ROGDI: variants seen among roughly 807,000 people sequenced by gnomAD.
ROGDI encodes protein rogdi homolog.
A neutral mutation model predicts 43.1 loss-of-function variants in ROGDI; 46 were observed. The observed-to-expected ratio is 1.07, with a 90% confidence interval of 0.84 to 1.37. The LOEUF (loss-of-function observed/expected upper bound fraction) is 1.37. Among genes scored for constraint, ROGDI ranks in the 40% most tolerant of loss-of-function variants. The probability of loss-of-function intolerance (pLI) is 0.00; values close to 1 mark genes in which losing one functional copy is unlikely to be tolerated. For missense variants in ROGDI, 518 were observed against 383.9 expected (o/e 1.35, Z -2.92); for synonymous variants, 243 against 162.0 (o/e 1.50, Z -3.80).
chr16:4,801,830 A>C, intron 2 of ROGDI: 4 of 587,634 alleles, frequency 6.8e-6, no homozygotes, highest in Non-Finnish European at 1.2e-5. Context: ...GGAATACAAA[A>C]CAGACAGGGG....
chr16:4,798,797 G>A, intron 6 of ROGDI, 130 bp from the exon 7 acceptor site: 1 of 749,692 alleles, frequency 1.3e-6, no homozygotes, highest in South Asian at 1.6e-5. Flanking sequence ...CCCGGCAGCA[G>A]GGACCTGTTA....
intron 2 of ROGDI, 165 bp downstream of exon 2, chr16:4,802,217 T>C: frequency 1.5e-6 from 1 of 689,318 alleles, no homozygotes; most frequent in East Asian, 2.9e-5. Flanking sequence ...CACAGGTACT[T>C]ATATAATGAG....
At chr16:4,801,963 G>A (rs1445398246) in intron 2 of ROGDI, 19 of 578,706 alleles carry the variant, frequency 3.3e-5, no homozygotes, top group Non-Finnish European at 5.2e-5. Flanking sequence ...TCTGTGAGCT[G>A]CCTGGCTCAT....
chr16:4,801,097 C>G lies in ROGDI; in HGVS notation c.255+170G>C, dbSNP rs539071981. Reference sequence around the variant, plus strand: ...TGCACCTCTTACTGAATCTGCACACCGATCCCGGGAGAAGGTGTGAGGGTT... The same window carrying G: ...TGCACCTCTTACTGAATCTGCACACGGATCCCGGGAGAAGGTGTGAGGGTT... On this transcript the variant is annotated intron_variant, in intron 4 of 10. Coordinates refer to ENST00000322048, the MANE Select transcript of ROGDI (RefSeq NM_024589.3). The G allele has an allele frequency of 1.3e-4, 77 of 575,070 alleles. 2 individuals carry two copies. The highest frequency in any genetic ancestry group is 1.2e-3 in the Middle Eastern group (4 of 3,394). 35.6% of individuals were successfully genotyped at this position (575,070 alleles called of 1,614,324 possible).
At chr16:4,802,318 G>T in intron 2 of ROGDI, 64 bp downstream of exon 2, 1 of 1,413,482 alleles carries the variant, frequency 7.1e-7, no homozygotes, top group Non-Finnish European at 9.5e-7. Flanking sequence ...GCGGCCCCAG[G>T]TGGAGCCAGG....
chr16:4,801,423 G>C (rs2082716317), intron 3 of ROGDI, 80 bp downstream of exon 3: 1 of 1,557,470 alleles, frequency 6.4e-7, no homozygotes, highest in Admixed American at 1.9e-5. Flanking sequence ...CAACCAGCTG[G>C]TCTGCAGGAC....
At position 4,797,972 on chromosome 16, in the gene ROGDI, C is replaced by A; in HGVS notation, c.661G>T (p.Gly221Trp). ...PNSTKNFRPA[G>W]GAVLHSPGAM... Reference sequence around the variant, plus strand: ...CCAGGGCTATGCAGCACCGCGCCCCCAGCTGGGCGGAAGTTCTAGGGAGAA... The same window carrying A: ...CCAGGGCTATGCAGCACCGCGCCCCAAGCTGGGCGGAAGTTCTAGGGAGAA... The change falls in exon 9 of 11, where the codon GGG becomes TGG. Residue 221 changes from glycine (G) to tryptophan (W), a missense_variant. Gly to Trp is a radical substitution (Grantham distance 184). Transcript: ENST00000322048. The A allele has an allele frequency of 6.2e-7, 1 of 1,607,676 alleles. No individual in the cohort carries two copies.
chr16:4,802,327 G>T, intron 2 of ROGDI, 55 bp downstream of exon 2: 1 of 1,459,348 alleles, frequency 6.9e-7, no homozygotes. Context: ...GGTGGAGCCA[G>T]GGAAATGAGG....
intron 10 of ROGDI, 42 bp from the exon 11 acceptor site, chr16:4,797,543 G>C (rs2082665530): frequency 2.4e-6 from 3 of 1,224,542 alleles, no homozygotes; most frequent in Non-Finnish European, 2.1e-6. Context: ...AAGGGGGATG[G>C]GGTAGCCCAG....
At position 4,797,823 on chromosome 16, in the gene ROGDI, C is replaced by A; in HGVS notation, c.713G>T (p.Arg238Leu). The A allele has an allele frequency of 6.2e-7, 1 of 1,612,038 alleles. No homozygotes were observed. The highest frequency in any genetic ancestry group is 1.1e-5 in the South Asian group (1 of 91,082). Residue 238 changes from arginine (R) to leucine (L), a missense_variant, in exon 10 of 11, where the codon CGC (arginine) becomes CTC (leucine). Arg to Leu is a moderately radical substitution (Grantham distance 102). Transcript: ENST00000322048. ...PGAMFEWGSQ[R>L]LEVSHVHKVE... ...TTTGTGCACGTGGCTCACCTCCAGG[C>A]GCTGAGAGCCCCACTCGCTGTGGGC...
chr16:4,798,348 T>C (rs927474617), intron 7 of ROGDI, among the ~76,000 whole-genome samples, 164 bp from the exon 8 acceptor site: 1 of 152,180 alleles, frequency 6.6e-6, no homozygotes, highest in African/African-American at 2.4e-5. Context: ...GTGCCCCAAG[T>C]ATCTCCTGTG....
In ROGDI at chr16:4,801,484, C is replaced by T. The variant is rs1172409881; in HGVS notation, c.200+19G>A. ...CCCAAGGTACCCATTTCCCCGGTTT[C>T]CGCCTAGCCCAGGCTCACCCACAGC... is the stretch of plus-strand genomic sequence containing the variant. On this transcript the variant is annotated intron_variant, in intron 3 of 10. Transcript: ENST00000322048. The T allele has an allele frequency of 1.3e-6, 2 of 1,594,504 alleles. No individual in the cohort carries two copies. Among genetic ancestry groups the T allele is most frequent in the Non-Finnish European group, 1.7e-6 (2 of 1,170,126 alleles).
rs1413897255 is a variant in ROGDI at position 4,800,536 on chromosome 16, A to G, written c.298T>C (p.Phe100Leu). ...CACTGCTTGTCCTCCCGGAAGGCGA[A>G]GTGCAGCAGCTGGTTGTTCCGGGGC... ...KMPRNNQLLH[F>L]AFREDKQWKL... Residue 100 changes from phenylalanine (F) to leucine (L), a missense_variant, in exon 5 of 11, where the codon TTC becomes CTC. Coordinates refer to ENST00000322048, the MANE Select transcript of ROGDI (RefSeq NM_024589.3). The G allele has an allele frequency of 3.2e-6, 5 of 1,565,300 alleles. No individual in the cohort carries two copies. Among genetic ancestry groups the G allele is most frequent in the Admixed American group, 3.8e-5 (2 of 52,634 alleles).
rs2082694921 is a variant in ROGDI at position 4,799,761 on chromosome 16, A to G, written c.357T>C (p.His119=). The G allele has an allele frequency of 6.2e-6, 10 of 1,613,480 alleles. No individual in the cohort carries two copies. The highest frequency in any genetic ancestry group is 1.7e-5 in the Admixed American group (1 of 59,968). The change falls in exon 6 of 11, where the codon CAT becomes CAC. Residue 119 remains histidine, a synonymous_variant. Transcript: ENST00000322048. ...TAAGCAGGTAAATGGCTTGGCTCAC[A>G]TGGTTTCTGGCATCCTGGATCTGGA... The part of the protein sequence containing the change: ...KLQQIQDARN[H]VSQAIYLLTS...
rs752529667 is a variant in ROGDI at position 4,799,816 on chromosome 16, G to A, written c.337-35C>T. 35 of 1,489,324 alleles carry A rather than the reference G, an allele frequency of 2.4e-5. No homozygotes were observed. In the East Asian group the frequency reaches 7.6e-4, roughly 32 times the overall value. 92.3% of individuals were successfully genotyped at this position (1,489,324 alleles called of 1,614,324 possible). The stretch of plus-strand genomic sequence containing the variant: ...GGGGTCATCCAGAGGGGTCACGCCA[G>A]CTTCCATGCGGCCAGGAGGGGAGAG... On this transcript the variant is annotated intron_variant, in intron 5 of 10. Coordinates refer to ENST00000322048, the MANE Select transcript of ROGDI (RefSeq NM_024589.3).
Position 4,801,596 on chromosome 16 carries a change from G to C in ROGDI, c.118-11C>G, listed in dbSNP as rs371176268. ...GCGCAGAGAGGCCTCCTGTGGAACA[G>C]AGGGAAGGAGGGGAGCTGGTAGCGC... On this transcript the variant is annotated splice_polypyrimidine_tract_variant and intron_variant, in intron 2 of 10. Transcript: ENST00000322048. 16 of 1,585,176 alleles carry C rather than the reference G, an allele frequency of 1.0e-5. No homozygotes were observed. The highest frequency in any genetic ancestry group is 1.7e-4 in the Middle Eastern group (1 of 6,032).
At chr16:4,800,943 G>A (rs995733078) in intron 4 of ROGDI, 7 of 510,248 alleles carry the variant, frequency 1.4e-5, no homozygotes, top group Non-Finnish European at 2.4e-5. Flanking sequence ...GCCTGGCACA[G>A]AGTCGGGTGC....
chr16:4,800,786 A>G, intron 4 of ROGDI: 1 of 586,124 alleles, frequency 1.7e-6, no homozygotes, highest in Non-Finnish European at 3.0e-6. Context: ...GAAGAGCCAC[A>G]AAGAAGTGAA....
rs1396348908 is a variant in ROGDI, at chr16:4,802,578, A to C, written c.-7T>G. ...CTGCCATCACGGTGGCCATGGCCGC[A>C]GGCCGCCGCCGAGCGCCCTCCCCAC... On this transcript the variant is annotated 5_prime_UTR_variant, in exon 1 of 11. Transcript: ENST00000322048. The C allele has an allele frequency of 4.6e-6, 6 of 1,307,342 alleles. No homozygotes were observed. Among genetic ancestry groups the C allele is most frequent in the Non-Finnish European group, 5.9e-6 (6 of 1,020,530 alleles). 81.0% of individuals were successfully genotyped at this position (1,307,342 alleles called of 1,614,324 possible).
Sources: gnomAD v4.1 joint callset for allele counts (sites outside exome capture counted in the v4.1 genomes callset) on GRCh38, gnomAD v4.1.1 for gene constraint, MANE v1.5 for transcripts, NCBI Gene and HGNC (gene_info 2026-07-23, HGNC 2026-07-21) for gene names.